LINGO2: variants seen among roughly 807,000 people sequenced by gnomAD.
LINGO2 encodes leucine rich repeat and Ig domain containing 2, also known as leucine-rich repeat and immunoglobulin-like domain-containing nogo receptor-interacting protein 2.
In LINGO2, 14 loss-of-function variants were observed where a neutral mutation model predicts 30.6. The observed-to-expected ratio is 0.46, with a 90% CI of 0.30 to 0.72. The LOEUF (loss-of-function observed/expected upper bound fraction) is 0.72. Ranked by LOEUF, LINGO2 falls within the 30% of genes least tolerant of loss-of-function variation. The pLI is 0.07. For synonymous variants in LINGO2, 317 were observed against 288.5 expected (o/e 1.10, Z -1.00); for missense variants, 729 against 751.7 (o/e 0.97, Z 0.35).
chr9:28,268,940 A>G (rs1822846782), intron 4 of LINGO2, among the ~76,000 whole-genome samples: 1 of 152,016 alleles, frequency 6.6e-6, no homozygotes, highest in African/African-American at 2.4e-5. Flanking sequence ...GGCCTTTCTA[A>G]TCTCATCTAC....
rs140552344 is a variant in LINGO2 at position 28,639,125 on chromosome 9, C to T, written c.-365+31075G>A. On this transcript the variant is annotated intron_variant, in intron 1 of 5. Coordinates refer to ENST00000379992, the Ensembl canonical transcript of LINGO2. Reference sequence around the variant, plus strand: ...GTTGTTCAGTTTCCATGTAGTTGAGCGGTTTTGAGTGAGTTTCTTAATCCT... The same window carrying T: ...GTTGTTCAGTTTCCATGTAGTTGAGTGGTTTTGAGTGAGTTTCTTAATCCT... Among the ~76,000 whole-genome samples, 601 of 152,004 alleles carry T rather than the reference C, an allele frequency of 4.0e-3. 3 individuals carry two copies. The highest frequency in any genetic ancestry group is 0.013 in the African/African-American group (541 of 41,478).
At chr9:29,076,634 T>TAA in the LINGO2 span, among the ~76,000 whole-genome samples, 864 of 147,384 alleles carry the variant, frequency 5.9e-3, 8 homozygotes, top group African/African-American at 0.02. Context: ...AATAAATAAA[T>TAA]ATATATATAT....
At chr9:29,137,354 G>A in the LINGO2 span, among the ~76,000 whole-genome samples, 2 of 152,062 alleles carry the variant, frequency 1.3e-5, no homozygotes, top group South Asian at 4.1e-4. Flanking sequence ...AGTTCACAAG[G>A]CACTATCATA....
chr9:28,364,732 GTCTA>G (rs1230837183), intron 3 of LINGO2, among the ~76,000 whole-genome samples: 20 of 152,270 alleles, frequency 1.3e-4, no homozygotes, highest in South Asian at 2.1e-4. Context: ...CAAGAAAAGA[GTCTA>G]TCTGTTTGCC....
chr9:28,627,156 G>A, intron 1 of LINGO2, among the ~76,000 whole-genome samples: 1 of 151,778 alleles, frequency 6.6e-6, no homozygotes, highest in East Asian at 1.9e-4. Flanking sequence ...TTACTCTAGG[G>A]ATTGTTTAGC....
intron 5 of LINGO2, among the ~76,000 whole-genome samples, chr9:27,966,237 T>C (rs1360568041): frequency 6.6e-6 from 1 of 152,042 alleles, no homozygotes; most frequent in African/African-American, 2.4e-5. Flanking sequence ...TTAAAGTCTG[T>C]TAAGTATTTT....
At chr9:28,079,904 G>A (rs1454692775) in intron 4 of LINGO2, among the ~76,000 whole-genome samples, 38 of 152,112 alleles carry the variant, frequency 2.5e-4, no homozygotes, top group Non-Finnish European at 5.9e-5. Flanking sequence ...GTCATTATGC[G>A]ACATCTCAGT....
chr9:28,730,510 G>A, the LINGO2 span, among the ~76,000 whole-genome samples: 5 of 152,160 alleles, frequency 3.3e-5, no homozygotes, highest in East Asian at 5.8e-4. Flanking sequence ...AAAAGGATGA[G>A]AAGCAAAGCT....
At chr9:28,883,443 CTG>C in the LINGO2 span, among the ~76,000 whole-genome samples, 1 of 151,510 alleles carries the variant, frequency 6.6e-6, no homozygotes, top group African/African-American at 2.4e-5. Flanking sequence ...CACACTCACT[CTG>C]TTAATCTTTA....
chr9:28,862,337 T>C, the LINGO2 span, among the ~76,000 whole-genome samples: 3 of 149,844 alleles, frequency 2.0e-5, no homozygotes, highest in African/African-American at 7.3e-5. Context: ...GTTTGTATCA[T>C]AGTTCAAATT....
intron 4 of LINGO2, among the ~76,000 whole-genome samples, chr9:28,276,910 A>T (rs1823134173): frequency 6.6e-6 from 1 of 152,134 alleles, no homozygotes; most frequent in African/African-American, 2.4e-5. Flanking sequence ...TCTCTTCCTA[A>T]GATTCTGATA....
At chr9:28,589,208 A>G (rs1824736169) in intron 1 of LINGO2, among the ~76,000 whole-genome samples, 1 of 152,122 alleles carries the variant, frequency 6.6e-6, no homozygotes, top group Non-Finnish European at 1.5e-5. Flanking sequence ...TGAATGGACA[A>G]AAACTGGAAG....
intron 1 of LINGO2, among the ~76,000 whole-genome samples, chr9:28,575,319 A>C (rs982629861): frequency 5.9e-5 from 9 of 151,982 alleles, no homozygotes; most frequent in Non-Finnish European, 1.0e-4. Flanking sequence ...GAATTGCTTG[A>C]ACCTCGGCGG....
chr9:28,658,764 A>G (rs1398303239), intron 1 of LINGO2, among the ~76,000 whole-genome samples: 3 of 152,086 alleles, frequency 2.0e-5, no homozygotes, highest in African/African-American at 7.2e-5. Flanking sequence ...TTTTGGAGTA[A>G]TCACAGCAAT....
At chr9:28,971,867 T>G in the LINGO2 span, among the ~76,000 whole-genome samples, 1 of 152,232 alleles carries the variant, frequency 6.6e-6, no homozygotes, top group Non-Finnish European at 1.5e-5. Flanking sequence ...TAGCTTCAGA[T>G]CTAACCTAGT....
rs1221889448 is a variant in LINGO2 at position 28,212,114 on chromosome 9, A to C, written c.-87+83094T>G. On this transcript the variant is annotated intron_variant, in intron 4 of 5. Transcript: ENST00000379992. ...TAGCTGAGTAAAATTGAAAATAATAACTTTGAGCTTTGTCTTTCCATCTGA... is the reference window on the plus strand; with the variant it reads ...TAGCTGAGTAAAATTGAAAATAATACCTTTGAGCTTTGTCTTTCCATCTGA... Among the ~76,000 whole-genome samples the C allele has an allele frequency of 2.6e-5, 4 of 151,542 alleles. No individual in the cohort carries two copies. The East Asian group carries it at 5.8e-4, about 22-fold the overall frequency.
the LINGO2 span, among the ~76,000 whole-genome samples, chr9:28,756,475 G>A: frequency 4.6e-5 from 7 of 151,904 alleles, no homozygotes; most frequent in African/African-American, 1.7e-4. Flanking sequence ...AAGACTTTGG[G>A]GAACTGTTGG....
chr9:28,664,413 C>G lies in LINGO2; in HGVS notation c.-365+5787G>C, dbSNP rs545013081. ...AAGCCTGAGAGACCTCTACTACTCACTCGCAATTTAAGCCCACATAGTAGA... is the reference window on the plus strand; with the variant it reads ...AAGCCTGAGAGACCTCTACTACTCAGTCGCAATTTAAGCCCACATAGTAGA... On this transcript the variant is annotated intron_variant, in intron 1 of 5. Transcript: ENST00000379992. Among the ~76,000 whole-genome samples, 18 of 152,202 alleles carry G rather than the reference C, an allele frequency of 1.2e-4. 1 individual carries two copies. In the South Asian group the frequency reaches 3.7e-3, roughly 32 times the overall value.
intron 4 of LINGO2, among the ~76,000 whole-genome samples, chr9:28,117,246 C>G (rs937481853): frequency 1.3e-5 from 2 of 151,820 alleles, no homozygotes; most frequent in Non-Finnish European, 2.9e-5. Flanking sequence ...CAGGGACCCA[C>G]TTGAGGAGGC....
Sources: gnomAD v4.1 joint callset for allele counts (sites outside exome capture counted in the v4.1 genomes callset) on GRCh38, gnomAD v4.1.1 for gene constraint, MANE v1.5 for transcripts, NCBI Gene and HGNC (gene_info 2026-07-23, HGNC 2026-07-21) for gene names.